The following TOM1L2 variants were observed in gnomAD, a reference collection of about 807,000 sequenced individuals.
TOM1L2 encodes TOM1-like protein 2.
TOM1L2 carries 31 observed loss-of-function variants against 67.9 expected under a neutral mutation model. That is an observed-to-expected ratio of 0.46 (90% CI 0.34 to 0.62). The LOEUF is 0.62. Ranked by LOEUF, TOM1L2 falls within the 20% of genes least tolerant of loss-of-function variation. The pLI, the probability that TOM1L2 is intolerant of heterozygous loss-of-function variation, is 0.01. For missense variants in TOM1L2, 606 were observed against 663.5 expected, an observed-to-expected ratio of 0.91 and a Z score of 0.95; for synonymous variants, 256 against 254.0, an observed-to-expected ratio of 1.01 and a Z score of -0.07.
At chr17:17,969,328 T>C (rs1313141577) in intron 1 of TOM1L2, among the ~76,000 whole-genome samples, 6 of 152,158 alleles carry the variant, frequency 3.9e-5, no homozygotes, top group Non-Finnish European at 7.4e-5. Context: ...AGTGCTGGGA[T>C]TACAGGCATG....
chr17:17,943,870 T>A (rs2040834533), intron 1 of TOM1L2, among the ~76,000 whole-genome samples: 1 of 152,158 alleles, frequency 6.6e-6, no homozygotes, highest in Non-Finnish European at 1.5e-5. Context: ...GAGCCCAAGG[T>A]CTAGCTGCCA....
At chr17:17,855,782 G>A (rs1459621798) in intron 12 of TOM1L2, among the ~76,000 whole-genome samples, 3 of 152,168 alleles carry the variant, frequency 2.0e-5, no homozygotes, top group East Asian at 3.8e-4. Flanking sequence ...CAGAGAAGCT[G>A]TGAATCCCTT....
chr17:17,917,976 A>G (rs1032102266), intron 1 of TOM1L2, among the ~76,000 whole-genome samples: 1 of 152,140 alleles, frequency 6.6e-6, no homozygotes, highest in Non-Finnish European at 1.5e-5. Flanking sequence ...CTTCCCATCT[A>G]TGAACACAGG....
chr17:17,852,692 C>T (rs1372723886), intron 12 of TOM1L2, among the ~76,000 whole-genome samples: 1 of 151,896 alleles, frequency 6.6e-6, no homozygotes, highest in African/African-American at 2.4e-5. Context: ...AGGGAGAAAC[C>T]CAGTCTCTAC....
At chr17:17,923,108 A>G (rs2039945314) in intron 1 of TOM1L2, among the ~76,000 whole-genome samples, 1 of 152,176 alleles carries the variant, frequency 6.6e-6, no homozygotes, top group African/African-American at 2.4e-5. Flanking sequence ...CATTAAAGCC[A>G]CAGTGTTGGC....
intron 1 of TOM1L2, among the ~76,000 whole-genome samples, chr17:17,916,468 G>A (rs546530113): frequency 4.6e-5 from 7 of 152,198 alleles, no homozygotes; most frequent in South Asian, 4.2e-4. Context: ...ATAATGGTCC[G>A]ACTTCACTCT....
In TOM1L2 at chr17:17,879,615, A is replaced by C. The variant is rs750570366; in HGVS notation, c.777+12T>G. On this transcript the variant is annotated intron_variant, in intron 7 of 14. Transcript: ENST00000379504. The stretch of plus-strand genomic sequence containing the variant: ...GCCACCACAGGCCAAGTGCTTCTGA[A>C]AGATGACTCACCTGCAGCAACTCCA... The C allele has an allele frequency of 6.2e-7, 1 of 1,608,030 alleles. No homozygotes were observed. The highest frequency in any genetic ancestry group is 8.5e-7 in the Non-Finnish European group (1 of 1,174,438).
At chr17:17,888,094 C>T (rs966350474) in intron 4 of TOM1L2, among the ~76,000 whole-genome samples, 9 of 152,168 alleles carry the variant, frequency 5.9e-5, no homozygotes, top group Admixed American at 2.6e-4. Flanking sequence ...GGGAGGCTGC[C>T]CCCTCTTAAA....
chr17:17,886,060 G>A (rs980894507), intron 4 of TOM1L2, among the ~76,000 whole-genome samples: 1 of 152,090 alleles, frequency 6.6e-6, no homozygotes, highest in African/African-American at 2.4e-5. Flanking sequence ...AAAGGAGGAG[G>A]CAGAGCCTCC....
At chr17:17,904,893 T>C (rs1328856100) in intron 2 of TOM1L2, among the ~76,000 whole-genome samples, 4 of 152,166 alleles carry the variant, frequency 2.6e-5, no homozygotes, top group Non-Finnish European at 5.9e-5. Flanking sequence ...TCTGGGACCA[T>C]GGCATCAGGG....
Position 17,845,916 on chromosome 17 carries a change from G to C in TOM1L2, c.*1719C>G, listed in dbSNP as rs889977207. 1 of 152,354 alleles carries C rather than the reference G, an allele frequency of 6.6e-6. No individual in the cohort carries two copies. The highest frequency in any genetic ancestry group is 2.4e-5 in the African/African-American group (1 of 41,458). 9.4% of individuals were successfully genotyped at this position (152,354 alleles called of 1,614,324 possible). On this transcript the variant is annotated 3_prime_UTR_variant, in exon 15 of 15. Coordinates refer to ENST00000379504, the MANE Select transcript of TOM1L2 (RefSeq NM_001082968.2). ...TGGCCACTCCACGGAGGAGCTTCCT[G>C]GGTGAACCTGAGCAACTGGAGTGAG...
chr17:17,965,952 C>T (rs1287603061), intron 1 of TOM1L2, among the ~76,000 whole-genome samples: 1 of 152,168 alleles, frequency 6.6e-6, no homozygotes, highest in East Asian at 1.9e-4. Context: ...GAAACCCTGT[C>T]TCTACTAACA....
chr17:17,847,869 C>T (rs2035736530), intron 14 of TOM1L2, 86 bp from the exon 15 acceptor site: 3 of 1,584,914 alleles, frequency 1.9e-6, no homozygotes, highest in Non-Finnish European at 2.6e-6. Context: ...AGCCCGTTTC[C>T]TCCTCTAGGG....
intron 1 of TOM1L2, among the ~76,000 whole-genome samples, chr17:17,952,401 T>C (rs1277031869): frequency 7.3e-6 from 1 of 137,026 alleles, no homozygotes; most frequent in African/African-American, 2.7e-5. Flanking sequence ...TTTTTTTTTT[T>C]TTTTTTTTGA....
At chr17:17,863,182 A>G (rs1598205157) in intron 10 of TOM1L2, 1 of 257,154 alleles carries the variant, frequency 3.9e-6, no homozygotes, top group Non-Finnish European at 7.5e-6. Context: ...CATTAACTCA[A>G]TCACAATGTC....
intron 1 of TOM1L2, among the ~76,000 whole-genome samples, chr17:17,961,644 C>T (rs1015443201): frequency 6.6e-6 from 1 of 151,988 alleles, no homozygotes; most frequent in African/African-American, 2.4e-5. Context: ...GAGGCCGAGG[C>T]GGGCGCATCA....
chr17:17,960,711 A>G (rs2041644066), intron 1 of TOM1L2, among the ~76,000 whole-genome samples: 1 of 152,132 alleles, frequency 6.6e-6, no homozygotes. Context: ...ACACAGTGAG[A>G]GTCTGTCTCC....
At chr17:17,896,478 A>T (rs2038577697) in intron 3 of TOM1L2, among the ~76,000 whole-genome samples, 1 of 152,334 alleles carries the variant, frequency 6.6e-6, no homozygotes, top group East Asian at 1.9e-4. Context: ...AGCAGTCCTC[A>T]AGGTCAGTGT....
intron 12 of TOM1L2, among the ~76,000 whole-genome samples, chr17:17,852,545 ATTTC>A (rs1356111486): frequency 6.6e-6 from 1 of 152,152 alleles, no homozygotes; most frequent in East Asian, 1.9e-4. Context: ...GTTGCTCATT[ATTTC>A]TTTGACTTAC....
Sources: gnomAD v4.1 joint callset for allele counts (sites outside exome capture counted in the v4.1 genomes callset) on GRCh38, gnomAD v4.1.1 for gene constraint, MANE v1.5 for transcripts, NCBI Gene and HGNC (gene_info 2026-07-23, HGNC 2026-07-21) for gene names.